FCRL3: variants seen among roughly 807,000 people sequenced by gnomAD.
FCRL3 encodes the protein Fc receptor like 3.
Under a neutral mutation model 75.0 loss-of-function variants are expected in FCRL3, and 89 were observed. The observed-to-expected ratio is 1.19, with a 90% CI of 1.00 to 1.42. The LOEUF is 1.42. Among genes scored for constraint, FCRL3 ranks in the 40% most tolerant of loss-of-function variants. The probability of loss-of-function intolerance (pLI) is 0.00; values close to 1 mark genes in which losing one functional copy is unlikely to be tolerated. For synonymous variants in FCRL3, 376 were observed against 348.5 expected (o/e 1.08, Z -0.88); for missense variants, 946 against 880.0 (o/e 1.07, Z -0.95).
chr1:157,694,956 G>A (rs1655788006), intron 8 of FCRL3, among the ~76,000 whole-genome samples: 1 of 152,074 alleles, frequency 6.6e-6, no homozygotes, highest in South Asian at 2.1e-4. Context: ...CTGTGGCAAG[G>A]GATGATCCAG....
At chr1:157,683,139 T>TA (rs141977401) in intron 11 of FCRL3, 78 bp downstream of exon 11, 824 of 1,478,364 alleles carry the variant, frequency 5.6e-4, no homozygotes, top group African/African-American at 2.9e-3. Context: ...CATTGAAATT[T>TA]AAAAAAAAAC....
chr1:157,692,295 G>A (rs1343109520), intron 8 of FCRL3, among the ~76,000 whole-genome samples: 2 of 152,012 alleles, frequency 1.3e-5, no homozygotes, highest in Non-Finnish European at 2.9e-5. Flanking sequence ...CTGGAGTACA[G>A]TGGTGCAATC....
At chr1:157,691,864 C>T (rs957537651) in intron 8 of FCRL3, 1 of 152,144 alleles carries the variant, frequency 6.6e-6, no homozygotes, top group Admixed American at 6.5e-5. Context: ...TGAAAAAGAC[C>T]ATGGTTATTG....
chr1:157,678,231 G>T lies in FCRL3; in HGVS notation c.*479C>A. ...AATTCTTGTTCTATAACTTCTTTTG[G>T]CTGTTCCCAATATGGTAGCAAGGAT... On this transcript the variant is annotated 3_prime_UTR_variant, in exon 15 of 15. Transcript: ENST00000368184. The T allele has an allele frequency of 1.0e-6, 1 of 987,584 alleles. No individual in the cohort carries two copies. The highest frequency in any genetic ancestry group is 1.2e-6 in the Non-Finnish European group (1 of 831,470). The allele number at this position is 987,584 out of a possible 1,614,324, so 61.2% of individuals were successfully genotyped here. A position where few individuals can be genotyped will look rare whatever the true frequency, so the allele number is the denominator to read the frequency against.
chr1:157,683,071 C>T (rs1337380230), intron 11 of FCRL3, 146 bp downstream of exon 11: 1 of 807,022 alleles, frequency 1.2e-6, no homozygotes, highest in Non-Finnish European at 2.0e-6. Flanking sequence ...GTGAAAGTGA[C>T]ATTCACTTAT....
At chr1:157,697,081 A>G (rs1234753710) in intron 6 of FCRL3, 59 bp downstream of exon 6, 4 of 1,360,402 alleles carry the variant, frequency 2.9e-6, no homozygotes, top group Non-Finnish European at 3.8e-6. Flanking sequence ...TGCAGGAGAT[A>G]TCACTGGCCT....
At chr1:157,696,779 T>G (rs1351815627) in intron 6 of FCRL3, 1 of 220,994 alleles carries the variant, frequency 4.5e-6, no homozygotes, top group Non-Finnish European at 8.9e-6. Flanking sequence ...CTTCCCCTTT[T>G]CGGACTATTT....
chr1:157,696,998 A>C (rs939335184), intron 6 of FCRL3, 142 bp downstream of exon 6: 25 of 803,486 alleles, frequency 3.1e-5, no homozygotes, highest in Non-Finnish European at 4.3e-5. Context: ...TGTTAGACCA[A>C]CGTTGAGCTT....
intron 8 of FCRL3, among the ~76,000 whole-genome samples, chr1:157,692,881 G>A (rs1368737407): frequency 6.6e-6 from 1 of 152,106 alleles, no homozygotes; most frequent in African/African-American, 2.4e-5. Context: ...CTTATTACCA[G>A]AAAATGTAAG....
chr1:157,676,948 GA>G lies in FCRL3; in HGVS notation c.*1761del, dbSNP rs373449454. ...CCGGTTTACATATTTTCACCATAGA[GA>G]AAAAAACAGCAGAATGTATCACATA... On this transcript the variant is annotated 3_prime_UTR_variant, in exon 15 of 15. Coordinates refer to ENST00000368184, the MANE Select transcript of FCRL3 (RefSeq NM_052939.4). The G allele has an allele frequency of 2.8e-5, 40 of 1,405,032 alleles. 1 individual carries two copies. The African/African-American group carries it at 3.6e-4, about 13-fold the overall frequency. The allele number at this position is 1,405,032 out of a possible 1,614,324, so 87.0% of individuals were successfully genotyped here.
At chr1:157,690,684 G>A (rs1366764505) in intron 8 of FCRL3, 151 bp from the exon 9 acceptor site, 3 of 920,756 alleles carry the variant, frequency 3.3e-6, no homozygotes, top group Non-Finnish European at 4.8e-6. Flanking sequence ...TCCTTTATTA[G>A]CTCTATAAGC....
chr1:157,697,895 T>A lies in FCRL3; in HGVS notation c.323A>T (p.His108Leu). Residue 108 changes from histidine (H) to leucine (L), a missense_variant, in exon 5 of 15, where the codon CAT becomes CTT. By Grantham distance (99) the His-to-Leu change is moderately conservative. Coordinates refer to ENST00000368184, the MANE Select transcript of FCRL3 (RefSeq NM_052939.4). ...GACATTGTCTCCTTCAAAGACAGGA[T>A]GTAAAGCCTGCAGGATCAGCCAGTC... Reference protein sequence around the residue: ...SPDWLILQALHPVFEGDNVIL... With the variant: ...SPDWLILQALLPVFEGDNVIL... 1 of 1,614,010 alleles carries A rather than the reference T, an allele frequency of 6.2e-7. No individual in the cohort carries two copies. The highest frequency in any genetic ancestry group is 8.5e-7 in the Non-Finnish European group (1 of 1,179,996).
Position 157,676,625 on chromosome 1 carries a change from C to G in FCRL3, c.*2085G>C. On this transcript the variant is annotated 3_prime_UTR_variant, in exon 15 of 15. Coordinates refer to ENST00000368184, the MANE Select transcript of FCRL3 (RefSeq NM_052939.4). Reference sequence around the variant, plus strand: ...AGAATAATTCATTTTACAGGGCAATCAATCAGAATTTGCACATTTGTTATA... The same window carrying G: ...AGAATAATTCATTTTACAGGGCAATGAATCAGAATTTGCACATTTGTTATA... The G allele has an allele frequency of 8.1e-7, 1 of 1,227,996 alleles. No individual in the cohort carries two copies. The highest frequency in any genetic ancestry group is 1.2e-6 in the Non-Finnish European group (1 of 863,396). 76.1% of individuals were successfully genotyped at this position (1,227,996 alleles called of 1,614,324 possible). A position where few individuals can be genotyped will look rare whatever the true frequency, so the allele number is the denominator to read the frequency against.
rs922974750 is a variant in FCRL3, at chr1:157,676,545, G to T, written c.*2165C>A. The T allele has an allele frequency of 1.1e-5, 7 of 612,272 alleles. No individual in the cohort carries two copies. The highest frequency in any genetic ancestry group is 5.5e-5 in the African/African-American group (3 of 54,128). 37.9% of individuals were successfully genotyped at this position (612,272 alleles called of 1,614,324 possible). A position where few individuals can be genotyped will look rare whatever the true frequency, so the allele number is the denominator to read the frequency against. ...AAAATTACTTTTTTTAGATTTCTGGGCTATGGGTTTTTAGTTGTGAATTCA... is the reference window on the plus strand; with the variant it reads ...AAAATTACTTTTTTTAGATTTCTGGTCTATGGGTTTTTAGTTGTGAATTCA... On this transcript the variant is annotated 3_prime_UTR_variant, in exon 15 of 15. Transcript: ENST00000368184.
chr1:157,690,900 T>A lies in FCRL3; in HGVS notation c.1412-367A>T, dbSNP rs545789887. Among the ~76,000 whole-genome samples the A allele has an allele frequency of 2.6e-5, 4 of 152,306 alleles. No homozygotes were observed. The East Asian group carries it at 7.7e-4, about 29-fold the overall frequency. Reference sequence around the variant, plus strand: ...TACACCTGAATCTTAGCTCTAAGACTGAGACTTCCATACCTATCTAAAGGC... The same window carrying A: ...TACACCTGAATCTTAGCTCTAAGACAGAGACTTCCATACCTATCTAAAGGC... On this transcript the variant is annotated intron_variant, in intron 8 of 14. Transcript: ENST00000368184.
At chr1:157,686,023 G>A (rs1435684696) in intron 10 of FCRL3, among the ~76,000 whole-genome samples, 1 of 152,014 alleles carries the variant, frequency 6.6e-6, no homozygotes, top group African/African-American at 2.4e-5. Flanking sequence ...AGCTAAATAA[G>A]TCACACTTTC....
Position 157,700,750 on chromosome 1 carries a change from AGTAAT to A in FCRL3, c.-190_-186del. On this transcript the variant is annotated 5_prime_UTR_variant, in exon 1 of 15. Transcript: ENST00000368184. ...CTTCCATCAGCTGCAGTCTCTCAGG[AGTAAT>A]GTCTCCAAGACTGTGCCTGGGTTCT... The A allele has an allele frequency of 1.4e-6, 2 of 1,387,224 alleles. No individual in the cohort carries two copies. Among genetic ancestry groups the A allele is most frequent in the Non-Finnish European group, 1.9e-6 (2 of 1,068,486 alleles). The allele number at this position is 1,387,224 out of a possible 1,614,324, so 85.9% of individuals were successfully genotyped here.
At chr1:157,692,113 G>A (rs531610289) in intron 8 of FCRL3, 1 of 152,046 alleles carries the variant, frequency 6.6e-6, no homozygotes, top group East Asian at 1.9e-4. Context: ...GCAGTGCCTT[G>A]GCTTGTTAGT....
Position 157,678,637 on chromosome 1 carries a change from ATGATG to A in FCRL3, c.*68_*72del. 1 of 1,592,028 alleles carries A rather than the reference ATGATG, an allele frequency of 6.3e-7. No homozygotes were observed. Among genetic ancestry groups the A allele is most frequent in the Non-Finnish European group, 8.5e-7 (1 of 1,173,884 alleles). ...TAGGAGGCAGAGTCTGGAGAGATGGATGATGTGTGGTTGGAGAGAACAGAAAAAAA... is the reference window on the plus strand; with the variant it reads ...TAGGAGGCAGAGTCTGGAGAGATGGATGTGGTTGGAGAGAACAGAAAAAAA... On this transcript the variant is annotated 3_prime_UTR_variant, in exon 15 of 15. Transcript: ENST00000368184.
Sources: gnomAD v4.1 joint callset for allele counts (sites outside exome capture counted in the v4.1 genomes callset) on GRCh38, gnomAD v4.1.1 for gene constraint, MANE v1.5 for transcripts, NCBI Gene and HGNC (gene_info 2026-07-23, HGNC 2026-07-21) for gene names.